Variants in ANGPT4 observed in about 807,000 individuals in gnomAD.
ANGPT4 encodes angiopoietin-4.
Under a neutral mutation model 53.0 loss-of-function variants are expected in ANGPT4, and 50 were observed. That is an observed-to-expected ratio of 0.94 (90% confidence interval 0.75 to 1.20). ANGPT4 has a LOEUF of 1.20. Among genes scored for constraint, ANGPT4 ranks in the 50% most tolerant of loss-of-function variants. ANGPT4 has a pLI of 0.00. For synonymous variants in ANGPT4, 251 were observed against 259.7 expected (o/e 0.97, Z 0.32); for missense variants, 648 against 637.1 (o/e 1.02, Z -0.18).
At position 870,095 on chromosome 20, in the gene ANGPT4, C is replaced by T. The variant is rs545133020; in HGVS notation, c.*2865G>A. On this transcript the variant is annotated 3_prime_UTR_variant, in exon 9 of 9. Transcript: ENST00000381922. ...GCTGACATCATTTGAGCCTCTGGAT[C>T]TAACCTCACTTGCCTTTACCCTTAG... 6.6e-6 allele frequency: 1 copy of T among 152,406 alleles called. No homozygotes were observed. The highest frequency in any genetic ancestry group is 2.1e-4 in the South Asian group (1 of 4,826). The allele number at this position is 152,406 out of a possible 1,614,324, so 9.4% of individuals were successfully genotyped here. A position where few individuals can be genotyped will look rare whatever the true frequency, so the allele number is the denominator to read the frequency against.
intron 1 of ANGPT4, among the ~76,000 whole-genome samples, chr20:897,813 T>G (rs1175053607): frequency 6.6e-6 from 1 of 152,206 alleles, no homozygotes; most frequent in Non-Finnish European, 1.5e-5. Flanking sequence ...CCTTAGCCTG[T>G]GTTCTCAAGA....
Position 891,166 on chromosome 20 carries a change from C to T in ANGPT4, c.310-798G>A, listed in dbSNP as rs1446863562. On this transcript the variant is annotated intron_variant, in intron 1 of 8. Coordinates refer to ENST00000381922, the MANE Select transcript of ANGPT4 (RefSeq NM_015985.4). ...GGAAACAGCAAGGGTCAGAGCACAG[C>T]GCCCAATCACATGCCCCTTCACCAG... 2.6e-5 allele frequency among the ~76,000 whole-genome samples: 4 copies of T among 152,202 alleles called. No individual in the cohort carries two copies. In the South Asian group the frequency reaches 6.2e-4, roughly 24 times the overall value.
intron 1 of ANGPT4, among the ~76,000 whole-genome samples, chr20:900,977 T>A (rs6077343): frequency 0.3 from 44,926 of 151,842 alleles, 8,388 homozygotes; most frequent in African/African-American, 0.53. Context: ...ATACGACAAA[T>A]GCTCCTTCTA....
chr20:913,812 G>C (rs1320922685), intron 1 of ANGPT4, among the ~76,000 whole-genome samples: 1 of 152,260 alleles, frequency 6.6e-6, no homozygotes, highest in Admixed American at 6.5e-5. Flanking sequence ...CTGCCTGGGG[G>C]ATAGGTGGGA....
chr20:893,757 T>C (rs994610284), intron 1 of ANGPT4, among the ~76,000 whole-genome samples: 1 of 152,214 alleles, frequency 6.6e-6, no homozygotes, highest in Non-Finnish European at 1.5e-5. Context: ...TCTCAGGAAA[T>C]GGCTCCACCC....
In ANGPT4 at chr20:874,174, C is replaced by A. The variant is rs1043032869; in HGVS notation, c.1351+110G>T. ...TATGGGTGGGCAAGGCCCAGACCTG[C>A]ACCCATCCTCCTGACAGCACCTGGG... On this transcript the variant is annotated intron_variant, in intron 8 of 8. Transcript: ENST00000381922. The A allele has an allele frequency of 2.0e-6, 3 of 1,523,772 alleles. No homozygotes were observed. In the African/African-American group the frequency reaches 4.1e-5, roughly 21 times the overall value. 94.4% of individuals were successfully genotyped at this position (1,523,772 alleles called of 1,614,324 possible).
At position 888,313 on chromosome 20, in the gene ANGPT4, C is replaced by T; in HGVS notation, c.587+5G>A. On this transcript the variant is annotated splice_donor_5th_base_variant and intron_variant, in intron 3 of 8. Transcript: ENST00000381922. ...TCCTAGTCTGGTGCCAGGTGCCACA[C>T]CCACCTGTTTTGGCCCTGAAGCTGC... 2 of 1,612,104 alleles carry T rather than the reference C, an allele frequency of 1.2e-6. No individual in the cohort carries two copies. Among genetic ancestry groups the T allele is most frequent in the Non-Finnish European group, 8.5e-7 (1 of 1,179,230 alleles).
intron 1 of ANGPT4, among the ~76,000 whole-genome samples, chr20:891,176 C>T (rs117640630): frequency 0.01 from 1,588 of 152,310 alleles, 24 homozygotes; most frequent in Non-Finnish European, 0.014. Flanking sequence ...CGCCCAATCA[C>T]ATGCCCCTTC....
intron 1 of ANGPT4, among the ~76,000 whole-genome samples, chr20:901,911 T>C (rs1025006641): frequency 1.3e-5 from 2 of 152,114 alleles, no homozygotes; most frequent in Non-Finnish European, 2.9e-5. Context: ...AACCCTATCT[T>C]AAAACAAAAC....
intron 1 of ANGPT4, among the ~76,000 whole-genome samples, chr20:907,333 C>T (rs955742807): frequency 5.3e-5 from 8 of 152,132 alleles, no homozygotes; most frequent in East Asian, 1.9e-4. Flanking sequence ...AGGAGTGTGG[C>T]GGAAAGGGCT....
intron 1 of ANGPT4, among the ~76,000 whole-genome samples, chr20:906,225 G>A (rs1467044504): frequency 6.6e-6 from 1 of 152,196 alleles, no homozygotes; most frequent in Non-Finnish European, 1.5e-5. Flanking sequence ...AGAGGAAGTA[G>A]GCCACTATGG....
chr20:882,842 C>T (rs1176954244), intron 4 of ANGPT4, among the ~76,000 whole-genome samples: 2 of 152,198 alleles, frequency 1.3e-5, no homozygotes, highest in African/African-American at 4.8e-5. Flanking sequence ...GTGAAATACT[C>T]ACCATGTATT....
chr20:916,226 T>C lies in ANGPT4; in HGVS notation c.-12A>G. ...AGCTGGGAGAGCATCTGAAGATGTG[T>C]CAATGGCGAGGGATGTCTGCTCAGA... is the stretch of plus-strand genomic sequence containing the variant. On this transcript the variant is annotated 5_prime_UTR_variant, in exon 1 of 9. Coordinates refer to ENST00000381922, the MANE Select transcript of ANGPT4 (RefSeq NM_015985.4). 2.5e-6 allele frequency: 4 copies of C among 1,608,008 alleles called. No individual in the cohort carries two copies. The highest frequency in any genetic ancestry group is 3.4e-6 in the Non-Finnish European group (4 of 1,176,172).
At chr20:907,373 G>A (rs910744363) in intron 1 of ANGPT4, among the ~76,000 whole-genome samples, 4 of 152,164 alleles carry the variant, frequency 2.6e-5, no homozygotes, top group African/African-American at 9.7e-5. Context: ...GCCTGCCTCT[G>A]CCATCTGGAC....
At chr20:903,177 C>T (rs1033574618) in intron 1 of ANGPT4, among the ~76,000 whole-genome samples, 1 of 152,186 alleles carries the variant, frequency 6.6e-6, no homozygotes, top group Non-Finnish European at 1.5e-5. Context: ...TGCCTGTTGA[C>T]CCAGTTCCTG....
At chr20:874,152 G>A in intron 8 of ANGPT4, 132 bp downstream of exon 8, 5 of 1,362,084 alleles carry the variant, frequency 3.7e-6, no homozygotes, top group South Asian at 1.4e-5. Flanking sequence ...GTGAGCTTAT[G>A]GGTGGGCAAG....
intron 2 of ANGPT4, 30 bp from the exon 3 acceptor site, chr20:888,469 G>T (rs532462932): frequency 1.2e-6 from 2 of 1,600,028 alleles, no homozygotes; most frequent in Non-Finnish European, 8.5e-7. Flanking sequence ...CAGGTAGGGG[G>T]CTGCGTAAGC....
chr20:903,800 T>C (rs1403484358), intron 1 of ANGPT4, among the ~76,000 whole-genome samples: 1 of 151,996 alleles, frequency 6.6e-6, no homozygotes, highest in Admixed American at 6.5e-5. Flanking sequence ...GGCCTGACGG[T>C]AAAAGGAAAC....
At chr20:903,059 G>A (rs1325684083) in intron 1 of ANGPT4, among the ~76,000 whole-genome samples, 12 of 152,312 alleles carry the variant, frequency 7.9e-5, no homozygotes, top group African/African-American at 2.2e-4. Flanking sequence ...GGGTCAAGGC[G>A]GGGGCTGGGC....
Sources: allele counts gnomAD v4.1 joint callset (sites outside exome capture counted in the v4.1 genomes callset), GRCh38; gene constraint gnomAD v4.1.1; transcripts MANE v1.5; gene names NCBI Gene and HGNC (gene_info 2026-07-23, HGNC 2026-07-21).